UNC93A: variants seen among roughly 807,000 people sequenced by gnomAD.
UNC93A encodes the protein N-acetylglucosamine transporter UNC93A.
In UNC93A, 43 loss-of-function variants were observed where a neutral mutation model predicts 47.5. That is an observed-to-expected ratio of 0.91 (90% confidence interval 0.71 to 1.17). UNC93A has a LOEUF of 1.17. Among genes scored for constraint, UNC93A ranks in the 50% most tolerant of loss-of-function variants. The pLI, the probability that UNC93A is intolerant of heterozygous loss-of-function variation, is 0.00. For missense variants in UNC93A, 605 were observed against 577.6 expected (o/e 1.05, Z -0.49); for synonymous variants, 280 against 258.0 (o/e 1.09, Z -0.82).
chr6:167,288,359 C>T (rs140252576), upstream of UNC93A, among the ~76,000 whole-genome samples: 20 of 152,132 alleles, frequency 1.3e-4, no homozygotes, highest in East Asian at 2.9e-3. Flanking sequence ...GAGTGGTCAG[C>T]CCCCGCCAAG....
chr6:167,298,406 T>C (rs959221656), intron 4 of UNC93A: 4 of 176,864 alleles, frequency 2.3e-5, no homozygotes, highest in African/African-American at 9.5e-5. Flanking sequence ...TGCTCAGCAG[T>C]ACGGGGGCTG....
intron 5 of UNC93A, among the ~76,000 whole-genome samples, chr6:167,304,729 C>A (rs537879753): frequency 6.6e-6 from 1 of 152,252 alleles, no homozygotes; most frequent in East Asian, 1.9e-4. Context: ...TGCCACCACG[C>A]CTGGGTAATT....
At chr6:167,303,888 G>A (rs1434033430) in intron 4 of UNC93A, 31 bp from the exon 5 acceptor site, 3 of 1,611,260 alleles carry the variant, frequency 1.9e-6, no homozygotes, top group Non-Finnish European at 2.5e-6. Context: ...GGGCCCCCAT[G>A]AAAGCTGAAG....
At chr6:167,285,079 C>A (rs1319178031) in intron 1 of UNC93A, among the ~76,000 whole-genome samples, 1 of 152,268 alleles carries the variant, frequency 6.6e-6, no homozygotes, top group East Asian at 1.9e-4. Context: ...CCGTCTGGGC[C>A]TTCGGGCCCT....
intron 7 of UNC93A, among the ~76,000 whole-genome samples, chr6:167,308,294 G>C (rs1778458705): frequency 6.6e-6 from 1 of 152,174 alleles, no homozygotes; most frequent in African/African-American, 2.4e-5. Flanking sequence ...CCGTGTACCT[G>C]GGCCTGGGGT....
At chr6:167,292,139 G>C (rs1783855719) in intron 1 of UNC93A, among the ~76,000 whole-genome samples, 1 of 152,178 alleles carries the variant, frequency 6.6e-6, no homozygotes, top group South Asian at 2.1e-4. Flanking sequence ...TGTGCACCTA[G>C]ACATAGACCT....
intron 7 of UNC93A, among the ~76,000 whole-genome samples, chr6:167,314,742 C>T (rs544556887): frequency 1.4e-4 from 22 of 152,200 alleles, no homozygotes; most frequent in African/African-American, 5.1e-4. Flanking sequence ...CTTATCTACC[C>T]GTGACCCGGA....
chr6:167,287,839 G>A (rs940302539), upstream of UNC93A, among the ~76,000 whole-genome samples: 4 of 152,242 alleles, frequency 2.6e-5, no homozygotes, highest in Admixed American at 1.3e-4. Flanking sequence ...CAGATTCTCC[G>A]CACTCGGGCT....
At chr6:167,288,730 T>C (rs117921507), upstream of UNC93A, among the ~76,000 whole-genome samples, 202 of 152,338 alleles carry the variant, frequency 1.3e-3, 2 homozygotes, top group East Asian at 9.8e-3. Flanking sequence ...TTCCCTTAAA[T>C]TAATCTTTAG....
At chr6:167,290,890 GT>G (rs1387839109), upstream of UNC93A, among the ~76,000 whole-genome samples, 1 of 152,174 alleles carries the variant, frequency 6.6e-6, no homozygotes, top group African/African-American at 2.4e-5. Flanking sequence ...CATGTAAGTT[GT>G]TTTTTCTTTT....
intron 1 of UNC93A, among the ~76,000 whole-genome samples, chr6:167,282,138 G>A (rs1783644341): frequency 6.6e-6 from 1 of 152,154 alleles, no homozygotes; most frequent in Admixed American, 6.5e-5. Flanking sequence ...AGACTTTCCT[G>A]GGACGGTAGA....
In UNC93A at chr6:167,311,941, G is replaced by T. The variant is rs960415078; in HGVS notation, c.1109-3246G>T. Among the ~76,000 whole-genome samples the T allele has an allele frequency of 5.3e-5, 8 of 151,844 alleles. No individual in the cohort carries two copies. In the South Asian group the frequency reaches 6.3e-4, roughly 12 times the overall value. On this transcript the variant is annotated intron_variant, in intron 7 of 7. Coordinates refer to ENST00000230256, the MANE Select transcript of UNC93A (RefSeq NM_018974.4). ...GTAACGCTGCCATGTGACAGTTAGTGGGGGGACAGCCTTTATTTGGGTTCC... is the reference window on the plus strand; with the variant it reads ...GTAACGCTGCCATGTGACAGTTAGTTGGGGGACAGCCTTTATTTGGGTTCC...
intron 1 of UNC93A, among the ~76,000 whole-genome samples, chr6:167,276,574 A>G (rs1467391): frequency 0.72 from 109,174 of 151,988 alleles, 39,796 homozygotes; most frequent in African/African-American, 0.85. Flanking sequence ...GAGGACACAC[A>G]CTGTGCACAG....
intron 5 of UNC93A, among the ~76,000 whole-genome samples, chr6:167,304,789 C>T (rs1007299909): frequency 6.6e-6 from 1 of 152,198 alleles, no homozygotes; most frequent in Non-Finnish European, 1.5e-5. Flanking sequence ...AGGCTGGTCT[C>T]AAACTCCCAA....
At chr6:167,308,690 T>G in intron 7 of UNC93A, among the ~76,000 whole-genome samples, 1 of 150,128 alleles carries the variant, frequency 6.7e-6, no homozygotes, top group East Asian at 2.0e-4. Flanking sequence ...GGTCCCCAAG[T>G]GTGGGGCCAG....
chr6:167,287,766 G>A (rs1783766232), upstream of UNC93A, among the ~76,000 whole-genome samples: 1 of 151,992 alleles, frequency 6.6e-6, no homozygotes, highest in South Asian at 2.1e-4. Context: ...TGTGCACTGT[G>A]CACATGAGTG....
At position 167,315,251 on chromosome 6, in the gene UNC93A, G is replaced by T. The variant is rs748461928; in HGVS notation, c.1173G>T (p.Glu391Asp). 8 of 1,613,722 alleles carry T rather than the reference G, an allele frequency of 5.0e-6. No homozygotes were observed. The South Asian group carries it at 8.8e-5, about 18-fold the overall frequency. The change falls in exon 8 of 8, where the codon GAG becomes GAT. Residue 391 changes from glutamate (E) to aspartate (D), a missense_variant. Glu to Asp is a conservative substitution (Grantham distance 45, BLOSUM62 2). Transcript: ENST00000230256. ...EAAFANYRLW[E>D]ALGFVIAFGY... is the part of the protein sequence containing the mutation. ...CCTTCGCCAATTACCGCCTGTGGGA[G>T]GCCCTGGGCTTCGTCATTGCCTTCG...
At chr6:167,277,082 G>A (rs1412233268) in intron 1 of UNC93A, among the ~76,000 whole-genome samples, 1 of 152,028 alleles carries the variant, frequency 6.6e-6, no homozygotes, top group Non-Finnish European at 1.5e-5. Context: ...GGAGCCAGTG[G>A]GCCGGGGGCA....
chr6:167,298,672 C>T (rs1076627), intron 4 of UNC93A, among the ~76,000 whole-genome samples: 64,525 of 151,906 alleles, frequency 0.42, 15,457 homozygotes, highest in African/African-American at 0.64. Flanking sequence ...ATTGTCATGA[C>T]GAGGCTCATT....
Sources: gnomAD v4.1 joint callset for allele counts (sites outside exome capture counted in the v4.1 genomes callset) on GRCh38, gnomAD v4.1.1 for gene constraint, MANE v1.5 for transcripts, NCBI Gene and HGNC (gene_info 2026-07-23, HGNC 2026-07-21) for gene names.